The following NXPE3 variants were observed in gnomAD, a reference collection of about 807,000 sequenced individuals.
The protein encoded by NXPE3 is NXPE family member 3.
In NXPE3, 26 loss-of-function variants were observed where a neutral mutation model predicts 46.1. The observed-to-expected ratio is 0.56, with a 90% confidence interval of 0.41 to 0.78. NXPE3 has a LOEUF of 0.78. Ranked by LOEUF, NXPE3 falls within the 30% of genes least tolerant of loss-of-function variation. NXPE3 has a pLI of 0.00. For synonymous variants in NXPE3, 272 were observed against 257.9 expected, an observed-to-expected ratio of 1.05 and a Z score of -0.52; for missense variants, 620 against 686.0, an observed-to-expected ratio of 0.90 and a Z score of 1.07.
Position 101,801,595 on chromosome 3 carries a change from A to C in NXPE3, c.454A>C (p.Lys152Gln). 6.2e-7 allele frequency: 1 copy of C among 1,614,136 alleles called. No homozygotes were observed. Among genetic ancestry groups the C allele is most frequent in the Non-Finnish European group, 8.5e-7 (1 of 1,180,004 alleles). The change falls in exon 5 of 8, where the codon AAG (lysine) becomes CAG (glutamine). Residue 152 changes from lysine to glutamine, a missense_variant. Physicochemically the swap from Lys to Gln is moderately conservative, Grantham distance 53. Coordinates refer to ENST00000273347, the MANE Select transcript of NXPE3 (RefSeq NM_145037.4). ...CCTGCAGGCCAGAATTCACTCCCTC[A>C]AGCTGCAGGCTGGGGCTGTGGGCAG... ...DYLQARIHSLKLQAGAVGRVV... is the reference protein window; with the variant it reads ...DYLQARIHSLQLQAGAVGRVV...
At chr3:101,811,991 C>T (rs1449508050) in intron 6 of NXPE3, among the ~76,000 whole-genome samples, 1 of 152,028 alleles carries the variant, frequency 6.6e-6, no homozygotes, top group Non-Finnish European at 1.5e-5. Context: ...GCCTTGGCTT[C>T]CTAAAGTGTT....
rs760736754 is a variant in NXPE3, at chr3:101,821,679, C to T, written c.1405C>T (p.Arg469Trp). Residue 469 changes from arginine (R) to tryptophan (W), a missense_variant, in exon 8 of 8, where the codon CGG becomes TGG. Arg to Trp is a moderately radical substitution (Grantham distance 101). Coordinates refer to ENST00000273347, the MANE Select transcript of NXPE3 (RefSeq NM_145037.4). ...RLRNIRRAVVRLLDRSPKTVV... is the reference protein window; with the variant it reads ...RLRNIRRAVVWLLDRSPKTVV... ...CAGGAACATCCGTCGAGCAGTGGTT[C>T]GGCTCCTCGATCGAAGCCCAAAGAC... 1.2e-5 allele frequency: 20 copies of T among 1,614,068 alleles called. No homozygotes were observed. The highest frequency in any genetic ancestry group is 6.6e-5 in the South Asian group (6 of 91,086).
intron 6 of NXPE3, among the ~76,000 whole-genome samples, chr3:101,813,631 C>T (rs1243029196): frequency 6.6e-6 from 1 of 152,196 alleles, no homozygotes; most frequent in African/African-American, 2.4e-5. Flanking sequence ...ATCTTCATAT[C>T]TGCTTTTACA....
intron 4 of NXPE3, among the ~76,000 whole-genome samples, chr3:101,789,861 T>G (rs1940402731): frequency 6.6e-6 from 1 of 152,122 alleles, no homozygotes; most frequent in Non-Finnish European, 1.5e-5. Context: ...CAGCTAATTT[T>G]TTATGTTTTT....
Position 101,785,466 on chromosome 3 carries a change from T to C in NXPE3, c.-131T>C. ...AGTCTCTCCTCTGCATAAGAGCTCT[T>C]AAGGGTACTAGCAGGATAGAAGCAA... On this transcript the variant is annotated 5_prime_UTR_variant, in exon 4 of 8. Transcript: ENST00000273347. The C allele has an allele frequency of 1.3e-6, 1 of 748,662 alleles. No homozygotes were observed. The highest frequency in any genetic ancestry group is 2.5e-5 in the East Asian group (1 of 40,144). The allele number at this position is 748,662 out of a possible 1,614,324, so 46.4% of individuals were successfully genotyped here. A position where few individuals can be genotyped will look rare whatever the true frequency, so the allele number is the denominator to read the frequency against.
intron 7 of NXPE3, among the ~76,000 whole-genome samples, chr3:101,818,716 TATATATATATA>T (rs576146195): frequency 0.23 from 8,597 of 37,190 alleles, 912 homozygotes; most frequent in Non-Finnish European, 0.28. Context: ...TATGACAATT[TATATATATATA>T]TATATATATA....
At chr3:101,791,487 G>C (rs1940515001) in intron 4 of NXPE3, among the ~76,000 whole-genome samples, 1 of 152,192 alleles carries the variant, frequency 6.6e-6, no homozygotes, top group South Asian at 2.1e-4. Flanking sequence ...CCAGGTTCAA[G>C]TTATTCTCCT....
At chr3:101,783,410 A>G (rs1270725575) in intron 3 of NXPE3, among the ~76,000 whole-genome samples, 7 of 152,168 alleles carry the variant, frequency 4.6e-5, no homozygotes, top group Non-Finnish European at 8.8e-5. Flanking sequence ...CTCACGCAAC[A>G]TCTATTTAGG....
chr3:101,819,672 G>A (rs1196920713), intron 7 of NXPE3, among the ~76,000 whole-genome samples: 1 of 152,064 alleles, frequency 6.6e-6, no homozygotes, highest in African/African-American at 2.4e-5. Context: ...GGGGTACAAT[G>A]TGATATTTTA....
Position 101,789,210 on chromosome 3 carries a change from G to C in NXPE3, c.93+3521G>C, listed in dbSNP as rs9823615. 1.8e-3 allele frequency among the ~76,000 whole-genome samples: 270 copies of C among 152,104 alleles called. 3 individuals carry two copies. The highest frequency in any genetic ancestry group is 6.3e-3 in the African/African-American group (260 of 41,472). On this transcript the variant is annotated intron_variant, in intron 4 of 7. Coordinates refer to ENST00000273347, the MANE Select transcript of NXPE3 (RefSeq NM_145037.4). ...AAGTGATAGCTAAAGTCATTGTTTT[G>C]AGATCTTTCTTTTCTAATTAAATGT...
At chr3:101,815,417 A>G (rs1941926665) in intron 6 of NXPE3, among the ~76,000 whole-genome samples, 1 of 152,138 alleles carries the variant, frequency 6.6e-6, no homozygotes, top group Non-Finnish European at 1.5e-5. Flanking sequence ...AACTAATACT[A>G]CTCTGTATGT....
At position 101,825,584 on chromosome 3, in the gene NXPE3, T is replaced by A. The variant is rs1240707261; in HGVS notation, c.*3630T>A. 6.6e-6 allele frequency: 1 copy of A among 152,228 alleles called. No individual in the cohort carries two copies. Among genetic ancestry groups the A allele is most frequent in the Non-Finnish European group, 1.5e-5 (1 of 68,040 alleles). The allele number at this position is 152,228 out of a possible 1,614,324, so 9.4% of individuals were successfully genotyped here. ...TAGGTATATTTTCTTGCAGGTTTTT[T>A]AACCATATACTTATAGAGAATATGT... On this transcript the variant is annotated 3_prime_UTR_variant, in exon 8 of 8. Coordinates refer to ENST00000273347, the MANE Select transcript of NXPE3 (RefSeq NM_145037.4).
At chr3:101,781,301 G>A (rs1939812181) in intron 1 of NXPE3, among the ~76,000 whole-genome samples, 1 of 152,184 alleles carries the variant, frequency 6.6e-6, no homozygotes, top group East Asian at 1.9e-4. Flanking sequence ...TTTGTGGAAT[G>A]GTTGCCTGAG....
At chr3:101,812,969 G>T (rs1941790971) in intron 6 of NXPE3, among the ~76,000 whole-genome samples, 1 of 151,954 alleles carries the variant, frequency 6.6e-6, no homozygotes, top group South Asian at 2.1e-4. Flanking sequence ...AAAATATATA[G>T]GAAAGAAAAT....
In NXPE3 at chr3:101,822,252, G is replaced by A. The variant is rs1319495698; in HGVS notation, c.*298G>A. ...GTGTATTTGAATTAGCTTCTCCTAG[G>A]AGGGGTGACTACTTTGCTAAAGAGT... On this transcript the variant is annotated 3_prime_UTR_variant, in exon 8 of 8. Transcript: ENST00000273347. 2 of 315,190 alleles carry A rather than the reference G, an allele frequency of 6.3e-6. No homozygotes were observed. The highest frequency in any genetic ancestry group is 4.4e-5 in the Admixed American group (1 of 22,662). The allele number at this position is 315,190 out of a possible 1,614,324, so 19.5% of individuals were successfully genotyped here. A position where few individuals can be genotyped will look rare whatever the true frequency, so the allele number is the denominator to read the frequency against.
Position 101,821,564 on chromosome 3 carries a change from T to C in NXPE3, c.1290T>C (p.Asn430=), listed in dbSNP as rs1416858722. 2.5e-6 allele frequency: 4 copies of C among 1,614,080 alleles called. No individual in the cohort carries two copies. The highest frequency in any genetic ancestry group is 3.4e-6 in the Non-Finnish European group (4 of 1,180,042). Residue 430 remains asparagine, a synonymous_variant, in exon 8 of 8, where the codon AAT becomes AAC. Transcript: ENST00000273347. ...NELHYVANEL[N]GIVGGKNTVV... is the part of the protein sequence containing the mutation. Reference sequence around the variant, plus strand: ...TCCATTATGTGGCGAATGAGCTGAATGGCATTGTGGGAGGGAAGAACACAG... The same window carrying C: ...TCCATTATGTGGCGAATGAGCTGAACGGCATTGTGGGAGGGAAGAACACAG...
chr3:101,793,627 C>CTTTTTTT lies in NXPE3; in HGVS notation c.94-7585_94-7579dup. On this transcript the variant is annotated intron_variant, in intron 4 of 7. Coordinates refer to ENST00000273347, the MANE Select transcript of NXPE3 (RefSeq NM_145037.4). ...TTTTTTTTGTATTAATTGACAAGGT[C>CTTTTTTT]TTTTTTTTTTTTTTTTTTTTTTTTT... 1.3e-3 allele frequency among the ~76,000 whole-genome samples: 26 copies of CTTTTTTT among 19,410 alleles called. 3 individuals are homozygous for CTTTTTTT. Among genetic ancestry groups the CTTTTTTT allele is most frequent in the African/African-American group, 1.6e-3 (9 of 5,480 alleles). 12.7% of individuals were successfully genotyped at this position (19,410 alleles called of 152,430 possible).
intron 4 of NXPE3, among the ~76,000 whole-genome samples, chr3:101,791,999 C>T (rs1940547473): frequency 6.6e-6 from 1 of 152,046 alleles, no homozygotes; most frequent in African/African-American, 2.4e-5. Flanking sequence ...GGTGTGAGAT[C>T]TCACTGTGGT....
At chr3:101,783,308 G>T (rs1478996297) in intron 3 of NXPE3, among the ~76,000 whole-genome samples, 1 of 152,174 alleles carries the variant, frequency 6.6e-6, no homozygotes, top group Non-Finnish European at 1.5e-5. Context: ...TGATCCGCCT[G>T]CCTCGGCCTC....
Sources: allele counts gnomAD v4.1 joint callset (sites outside exome capture counted in the v4.1 genomes callset), GRCh38; gene constraint gnomAD v4.1.1; transcripts MANE v1.5; gene names NCBI Gene and HGNC (gene_info 2026-07-23, HGNC 2026-07-21).